The following SULT2A1 variants were observed in gnomAD, a reference collection of about 807,000 sequenced individuals.
SULT2A1 encodes sulfotransferase 2A1.
A neutral mutation model predicts 33.9 loss-of-function variants in SULT2A1; 43 were observed. The ratio of observed to expected loss-of-function variants is 1.27; its 90% CI spans 1.00 to 1.64. The LOEUF (loss-of-function observed/expected upper bound fraction) is 1.64, where lower values mean the gene tolerates loss of function less well. Among genes scored for constraint, SULT2A1 ranks in the 40% most tolerant of loss-of-function variants. SULT2A1 has a pLI of 0.00. For synonymous variants in SULT2A1, 125 were observed against 113.6 expected (o/e 1.10, Z -0.64); for missense variants, 300 against 335.1 (o/e 0.90, Z 0.82).
chr19:47,876,187 C>T lies in SULT2A1; in HGVS notation c.568-1353G>A, dbSNP rs1228849197. 5.3e-5 allele frequency among the ~76,000 whole-genome samples: 8 copies of T among 152,068 alleles called. No homozygotes were observed. The South Asian group carries it at 6.2e-4, about 12-fold the overall frequency. ...TGCGCCACCACTCCCGGCTAATTTA[C>T]GTATTTTTAGTAGAGAGGGAGTATC... On this transcript the variant is annotated intron_variant, in intron 4 of 5. Transcript: ENST00000222002.
At chr19:47,882,531 A>G (rs1034151923) in intron 2 of SULT2A1, among the ~76,000 whole-genome samples, 1 of 152,200 alleles carries the variant, frequency 6.6e-6, no homozygotes, top group African/African-American at 2.4e-5. Flanking sequence ...AAGATCATTA[A>G]CAGGAGAATG....
chr19:47,882,355 A>G (rs996630499), intron 2 of SULT2A1, 145 bp from the exon 3 acceptor site: 10 of 1,015,352 alleles, frequency 9.8e-6, no homozygotes, highest in Non-Finnish European at 1.3e-5. Context: ...TACTGCACTC[A>G]CTAATCAAAT....
At chr19:47,878,940 A>T in intron 4 of SULT2A1, 96 bp downstream of exon 4, 1 of 808,614 alleles carries the variant, frequency 1.2e-6, no homozygotes, top group Non-Finnish European at 2.2e-6. Flanking sequence ...TTTAACTGAG[A>T]GGGTGGAATG....
intron 2 of SULT2A1, among the ~76,000 whole-genome samples, chr19:47,882,439 G>A (rs1968613197): frequency 6.6e-6 from 1 of 152,150 alleles, no homozygotes; most frequent in African/African-American, 2.4e-5. Flanking sequence ...CCTTCCCTCT[G>A]GGATATTACA....
rs893598677 is a variant in SULT2A1, at chr19:47,884,110, AAAAAAC to A, written c.137-331_137-326del. ...ACAGAGTGAGACTCAGTCTCAAAAA[AAAAAAC>A]AAAAACAAAAACAAAAAAAAGTACC... is the stretch of plus-strand genomic sequence containing the variant. On this transcript the variant is annotated intron_variant, in intron 1 of 5. Transcript: ENST00000222002. Among the ~76,000 whole-genome samples, 8 of 150,788 alleles carry A rather than the reference AAAAAAC, an allele frequency of 5.3e-5. No individual in the cohort carries two copies. In the East Asian group the frequency reaches 1.2e-3, roughly 22 times the overall value.
At chr19:47,884,397 C>G (rs1568641022) in intron 1 of SULT2A1, among the ~76,000 whole-genome samples, 1 of 150,534 alleles carries the variant, frequency 6.6e-6, no homozygotes, top group Non-Finnish European at 1.5e-5. Context: ...CCAGGATGGT[C>G]TCGATCTCCT....
chr19:47,878,505 AT>A lies in SULT2A1; in HGVS notation c.567+530del, dbSNP rs34027366. ...ACCCGGTGCCAAAAAACCTCTCTAG[AT>A]TTTTTTTTTTTTTTTTTTTTGAGAC... On this transcript the variant is annotated intron_variant, in intron 4 of 5. Coordinates refer to ENST00000222002, the MANE Select transcript of SULT2A1 (RefSeq NM_003167.4). Among the ~76,000 whole-genome samples the A allele has an allele frequency of 7.5e-3, 836 of 111,926 alleles. 6 individuals carry two copies. Among genetic ancestry groups the A allele is most frequent in the African/African-American group, 0.022 (610 of 27,414 alleles). 73.4% of individuals were successfully genotyped at this position (111,926 alleles called of 152,430 possible). A position where few individuals can be genotyped will look rare whatever the true frequency, so the allele number is the denominator to read the frequency against.
chr19:47,883,614 T>C lies in SULT2A1; in HGVS notation c.308A>G (p.Gln103Arg), dbSNP rs752348210. Reference protein sequence around the residue: ...PRLFSSHLPIQLFPKSFFSSK... With the variant: ...PRLFSSHLPIRLFPKSFFSSK... ...ACTGAAGAAAGACTTGGGGAATAAC[T>C]GGATGGGGAGGTGGGAGGAGAATAA... Residue 103 changes from glutamine (Q) to arginine (R), a missense_variant, in exon 2 of 6, where the codon CAG becomes CGG. Physicochemically the swap from Gln to Arg is conservative, Grantham distance 43. Coordinates refer to ENST00000222002, the MANE Select transcript of SULT2A1 (RefSeq NM_003167.4). The C allele has an allele frequency of 6.2e-7, 1 of 1,614,050 alleles. No individual in the cohort carries two copies. The highest frequency in any genetic ancestry group is 8.5e-7 in the Non-Finnish European group (1 of 1,180,000).
chr19:47,875,838 C>A (rs62531045), intron 4 of SULT2A1, among the ~76,000 whole-genome samples: 2,213 of 152,130 alleles, frequency 0.015, 49 homozygotes, highest in African/African-American at 0.051. Context: ...CAGGGAGAAT[C>A]TGATGGAGAT....
At chr19:47,877,367 T>C (rs1968556785) in intron 4 of SULT2A1, among the ~76,000 whole-genome samples, 1 of 147,568 alleles carries the variant, frequency 6.8e-6, no homozygotes, top group Non-Finnish European at 1.5e-5. Context: ...GGGTCCTGAG[T>C]AGCTGGGACT....
intron 1 of SULT2A1, among the ~76,000 whole-genome samples, chr19:47,884,608 G>A (rs1404434982): frequency 6.6e-6 from 1 of 151,424 alleles, no homozygotes; most frequent in Non-Finnish European, 1.5e-5. Context: ...TCCTGCTTCA[G>A]CCTCGCAAGT....
intron 4 of SULT2A1, among the ~76,000 whole-genome samples, chr19:47,875,628 A>G (rs149736531): frequency 2.8e-4 from 42 of 152,234 alleles, no homozygotes; most frequent in African/African-American, 9.6e-4. Flanking sequence ...TTGGAGTGAG[A>G]CCCTGTCTCA....
chr19:47,877,486 T>TA (rs1250130561), intron 4 of SULT2A1, among the ~76,000 whole-genome samples: 1 of 151,944 alleles, frequency 6.6e-6, no homozygotes, highest in Non-Finnish European at 1.5e-5. Flanking sequence ...GTGATCCCCC[T>TA]ACTTTGGCCT....
intron 5 of SULT2A1, among the ~76,000 whole-genome samples, chr19:47,873,670 C>A (rs1968515109): frequency 2.7e-5 from 3 of 113,136 alleles, no homozygotes; most frequent in Non-Finnish European, 3.3e-5. Flanking sequence ...GTCGCCCAGG[C>A]TGGAGTGCAG....
At position 47,879,149 on chromosome 19, in the gene SULT2A1, A is replaced by G; in HGVS notation, c.473-19T>C. On this transcript the variant is annotated intron_variant, in intron 3 of 5. Transcript: ENST00000222002. ...TATAGCACTGCATGGGGTGGCAGAA[A>G]AAGTGATAGGTTACAAATTTTATGA... 2.0e-6 allele frequency: 3 copies of G among 1,512,388 alleles called. No homozygotes were observed. Among genetic ancestry groups the G allele is most frequent in the Non-Finnish European group, 2.8e-6 (3 of 1,087,452 alleles). The allele number at this position is 1,512,388 out of a possible 1,614,324, so 93.7% of individuals were successfully genotyped here.
intron 4 of SULT2A1, among the ~76,000 whole-genome samples, chr19:47,878,269 T>C (rs1968566886): frequency 6.6e-6 from 1 of 151,896 alleles, no homozygotes; most frequent in African/African-American, 2.4e-5. Flanking sequence ...CTTGAATTCA[T>C]GGGCTCAAGT....
At chr19:47,884,387 C>T (rs192654767) in intron 1 of SULT2A1, among the ~76,000 whole-genome samples, 85 of 150,800 alleles carry the variant, frequency 5.6e-4, no homozygotes, top group African/African-American at 2.0e-3. Context: ...ACCATGTTAG[C>T]CAGGATGGTC....
chr19:47,878,898 C>T, intron 4 of SULT2A1, 138 bp downstream of exon 4: 1 of 696,228 alleles, frequency 1.4e-6, no homozygotes, highest in Non-Finnish European at 2.7e-6. Flanking sequence ...GGGAGTTAAT[C>T]CTGCTCTTTG....
chr19:47,882,042 C>T, intron 3 of SULT2A1, 42 bp downstream of exon 3: 4 of 1,608,108 alleles, frequency 2.5e-6, no homozygotes, highest in Non-Finnish European at 3.4e-6. Context: ...AAGAGGTCGG[C>T]TAGAAGACTC....
Sources: allele counts gnomAD v4.1 joint callset (sites outside exome capture counted in the v4.1 genomes callset), GRCh38; gene constraint gnomAD v4.1.1; transcripts MANE v1.5; gene names NCBI Gene and HGNC (gene_info 2026-07-23, HGNC 2026-07-21).